Variants in EFHC1 observed in about 807,000 individuals in gnomAD.
The protein encoded by EFHC1 is EF-hand domain-containing protein 1.
In EFHC1, 53 loss-of-function variants were observed where a neutral mutation model predicts 69.9. The ratio of observed to expected loss-of-function variants is 0.76; its 90% confidence interval spans 0.61 to 0.95. The LOEUF is 0.95. Ranked by LOEUF, EFHC1 falls within the 40% of genes least tolerant of loss-of-function variation. EFHC1 has a pLI of 0.00. For missense variants in EFHC1, 739 were observed against 798.7 expected, an observed-to-expected ratio of 0.93 and a Z score of 0.90; for synonymous variants, 256 against 278.4, an observed-to-expected ratio of 0.92 and a Z score of 0.80.
intron 10 of EFHC1, among the ~76,000 whole-genome samples, 199 bp from the exon 11 acceptor site, chr6:52,492,071 G>C (rs1444556857): frequency 6.6e-6 from 1 of 152,188 alleles, no homozygotes; most frequent in Non-Finnish European, 1.5e-5. Flanking sequence ...TCCAGCTTTG[G>C]TTTCATTAAG....
chr6:52,477,253 A>G (rs79732213), intron 7 of EFHC1, among the ~76,000 whole-genome samples: 3,535 of 152,220 alleles, frequency 0.023, 131 homozygotes, highest in African/African-American at 0.078. Context: ...TTTTTATTAC[A>G]TGGGTGTACA....
At chr6:52,438,258 T>C (rs372720159) in intron 2 of EFHC1, 46 bp from the exon 3 acceptor site, 64 of 1,576,618 alleles carry the variant, frequency 4.1e-5, no homozygotes, top group Non-Finnish European at 5.2e-5. Flanking sequence ...CAGATGACTA[T>C]GACAAGCTAA....
chr6:52,453,852 C>CT, intron 4 of EFHC1: 1 of 1,348,356 alleles, frequency 7.4e-7, no homozygotes, highest in Non-Finnish European at 9.7e-7. Context: ...GTGAGCTCTT[C>CT]TTTTTTGGCA....
intron 2 of EFHC1, among the ~76,000 whole-genome samples, chr6:52,431,437 C>T (rs557265986): frequency 6.6e-6 from 1 of 152,150 alleles, no homozygotes; most frequent in South Asian, 2.1e-4. Flanking sequence ...TGTTTAATTT[C>T]CATCTTGATT....
chr6:52,456,028 C>T (rs1348671432), intron 5 of EFHC1, among the ~76,000 whole-genome samples: 2 of 152,024 alleles, frequency 1.3e-5, no homozygotes, highest in Non-Finnish European at 2.9e-5. Flanking sequence ...ACGTAGGACA[C>T]ATTCAGTCAC....
intron 3 of EFHC1, among the ~76,000 whole-genome samples, chr6:52,442,159 G>A (rs1265128305): frequency 6.6e-6 from 1 of 152,076 alleles, no homozygotes; most frequent in African/African-American, 2.4e-5. Flanking sequence ...TTGTGGAAGA[G>A]GGCATCCTTT....
rs1003241346 is a variant in EFHC1, at chr6:52,452,857, C to T, written c.723+20C>T. 4 of 1,613,818 alleles carry T rather than the reference C, an allele frequency of 2.5e-6. No homozygotes were observed. The African/African-American group carries it at 5.3e-5, about 22-fold the overall frequency. Reference sequence around the variant, plus strand: ...AAACAGGTAAGTGACATAGGAACCACAATAGGCTTACTTATTTCCAAATGT... The same window carrying T: ...AAACAGGTAAGTGACATAGGAACCATAATAGGCTTACTTATTTCCAAATGT... On this transcript the variant is annotated intron_variant, in intron 4 of 10. Coordinates refer to ENST00000371068, the MANE Select transcript of EFHC1 (RefSeq NM_018100.4).
At chr6:52,444,807 A>T (rs1764743282) in intron 3 of EFHC1, among the ~76,000 whole-genome samples, 1 of 152,208 alleles carries the variant, frequency 6.6e-6, no homozygotes, top group Non-Finnish European at 1.5e-5. Context: ...GCCTCATAAA[A>T]TGAATTAGGG....
rs754914536 is a variant in EFHC1, at chr6:52,424,104, T to C, written c.222T>C (p.Tyr74=). 3.7e-6 allele frequency: 6 copies of C among 1,614,074 alleles called. No homozygotes were observed. Among genetic ancestry groups the C allele is most frequent in the South Asian group, 1.1e-5 (1 of 91,086 alleles). Residue 74 remains tyrosine (Y), a synonymous_variant, in exon 2 of 11, where the codon TAT becomes TAC. Coordinates refer to ENST00000371068, the MANE Select transcript of EFHC1 (RefSeq NM_018100.4). ...CCAGTAAGGCACCAGTCTTAACTTATGGCCAACCTAAACAAGCCCCACCTG... is the reference window on the plus strand; with the variant it reads ...CCAGTAAGGCACCAGTCTTAACTTACGGCCAACCTAAACAAGCCCCACCTG... ...ELASKAPVLT[Y]GQPKQAPPAD...
chr6:52,485,321 A>C (rs1202515965), intron 9 of EFHC1: 1 of 152,234 alleles, frequency 6.6e-6, no homozygotes, highest in Non-Finnish European at 1.5e-5. Flanking sequence ...ATCATCTTTA[A>C]AATTTTTTTA....
At chr6:52,491,275 A>C (rs973909516) in intron 10 of EFHC1, among the ~76,000 whole-genome samples, 5 of 152,178 alleles carry the variant, frequency 3.3e-5, no homozygotes, top group Non-Finnish European at 5.9e-5. Context: ...CTGATGTGGG[A>C]ACTGACATGG....
intron 5 of EFHC1, among the ~76,000 whole-genome samples, chr6:52,454,803 T>G (rs17592303): frequency 0.094 from 14,298 of 152,168 alleles, 944 homozygotes; most frequent in Non-Finnish European, 0.14. Flanking sequence ...TAAAATTACC[T>G]AGCATGGGCT....
intron 5 of EFHC1, among the ~76,000 whole-genome samples, chr6:52,457,170 A>G (rs1279201711): frequency 6.6e-6 from 1 of 152,248 alleles, no homozygotes; most frequent in Non-Finnish European, 1.5e-5. Context: ...TCTTTCAGTC[A>G]TTTCTAGTGT....
At chr6:52,423,306 GAGA>G (rs1764229898) in intron 1 of EFHC1, among the ~76,000 whole-genome samples, 1 of 152,182 alleles carries the variant, frequency 6.6e-6, no homozygotes, top group Admixed American at 6.5e-5. Flanking sequence ...TGAAAAACAT[GAGA>G]AGACTAGTGA....
At position 52,496,122 on chromosome 6, in the gene EFHC1, T is replaced by C. The variant is rs1766051853; in HGVS notation, c.*3781T>C. 6.0e-6 allele frequency: 1 copy of C among 166,944 alleles called. No homozygotes were observed. The highest frequency in any genetic ancestry group is 1.5e-4 in the South Asian group (1 of 6,594). 10.3% of individuals were successfully genotyped at this position (166,944 alleles called of 1,614,324 possible). A position where few individuals can be genotyped will look rare whatever the true frequency, so the allele number is the denominator to read the frequency against. The stretch of plus-strand genomic sequence containing the variant: ...TGGAAGGGAGCTGAGCATTACCCTG[T>C]AGCAAGCAATATTGTAGGAAGCAGA... On this transcript the variant is annotated 3_prime_UTR_variant, in exon 11 of 11. Coordinates refer to ENST00000371068, the MANE Select transcript of EFHC1 (RefSeq NM_018100.4).
At chr6:52,453,051 G>A (rs1289541712) in intron 4 of EFHC1, 1 of 1,511,464 alleles carries the variant, frequency 6.6e-7, no homozygotes, top group East Asian at 2.6e-5. Context: ...AGATCGTGGA[G>A]TTGCGGAGTT....
chr6:52,465,889 A>T (rs4712007), intron 6 of EFHC1, among the ~76,000 whole-genome samples: 28,169 of 148,196 alleles, frequency 0.19, 3,137 homozygotes, highest in Admixed American at 0.33. Context: ...CATATTGTTT[A>T]TAATATATGA....
intron 5 of EFHC1, among the ~76,000 whole-genome samples, chr6:52,455,806 T>C (rs1474911938): frequency 2.0e-5 from 3 of 152,216 alleles, no homozygotes; most frequent in African/African-American, 7.2e-5. Flanking sequence ...TGCAGTATTA[T>C]TTGTGGGCAA....
intron 7 of EFHC1, among the ~76,000 whole-genome samples, chr6:52,472,695 CAAGAGA>C (rs1332504548): frequency 1.3e-5 from 2 of 149,144 alleles, no homozygotes; most frequent in African/African-American, 2.5e-5. Context: ...CTTTTACATA[CAAGAGA>C]TATGTAATAT....
Sources: allele counts gnomAD v4.1 joint callset (sites outside exome capture counted in the v4.1 genomes callset), GRCh38; gene constraint gnomAD v4.1.1; transcripts MANE v1.5; gene names NCBI Gene and HGNC (gene_info 2026-07-23, HGNC 2026-07-21).